The following KCNN1 variants were observed in gnomAD, a reference collection of about 807,000 sequenced individuals.
KCNN1 encodes the protein small conductance calcium-activated potassium channel protein 1.
A neutral mutation model predicts 44.7 loss-of-function variants in KCNN1; 20 were observed. That is an observed-to-expected ratio of 0.45 (90% CI 0.32 to 0.65). The LOEUF (loss-of-function observed/expected upper bound fraction) is 0.65, where lower values mean the gene tolerates loss of function less well. Among genes scored for constraint, KCNN1 ranks in the 30% least tolerant of loss-of-function variants. KCNN1 has a pLI of 0.05. For missense variants in KCNN1, 632 were observed against 785.3 expected, an observed-to-expected ratio of 0.80 and a Z score of 2.33; for synonymous variants, 324 against 341.7, an observed-to-expected ratio of 0.95 and a Z score of 0.57.
At chr19:17,963,867 C>T (rs537788892), upstream of KCNN1, among the ~76,000 whole-genome samples, 24 of 152,180 alleles carry the variant, frequency 1.6e-4, no homozygotes, top group South Asian at 1.7e-3. Context: ...GCTGGGACTA[C>T]GGGCACATGG....
At position 17,993,212 on chromosome 19, in the gene KCNN1, G is replaced by T; in HGVS notation, c.1307+150G>T. The T allele has an allele frequency of 9.9e-7, 1 of 1,010,694 alleles. No individual in the cohort carries two copies. The highest frequency in any genetic ancestry group is 1.5e-6 in the Non-Finnish European group (1 of 670,458). 62.6% of individuals were successfully genotyped at this position (1,010,694 alleles called of 1,614,324 possible). A position where few individuals can be genotyped will look rare whatever the true frequency, so the allele number is the denominator to read the frequency against. On this transcript the variant is annotated intron_variant, in intron 8 of 9. Coordinates refer to ENST00000684775, the MANE Select transcript of KCNN1 (RefSeq NM_001386974.1). This position sits in a 1 kb window ranked among gnomAD's most constrained non-coding sequence, Gnocchi z 4.5. ...CATGGATCCGTGCAGGCTTCACCTT[G>T]GTCTGGGATCCAACTTCCTGGGGCA...
intron 2 of KCNN1, among the ~76,000 whole-genome samples, chr19:17,957,094 GGAGGGAGGGAGGGACA>G (rs1161504570): frequency 6.7e-6 from 1 of 148,710 alleles, no homozygotes; most frequent in African/African-American, 2.5e-5. Context: ...ACAGAGAAAG[GGAGGGAGGGAGGGACA>G]GAGGGAGGGA....
chr19:17,964,463 C>T (rs530476677), upstream of KCNN1, among the ~76,000 whole-genome samples: 25 of 152,386 alleles, frequency 1.6e-4, no homozygotes, highest in African/African-American at 5.3e-4. This position sits in a 1 kb window ranked among gnomAD's most constrained non-coding sequence, Gnocchi z 4.3. Context: ...GCTCTCCAGC[C>T]GCCTCCACCA....
intron 2 of KCNN1, among the ~76,000 whole-genome samples, chr19:17,956,134 C>T (rs1479678371): frequency 6.6e-6 from 1 of 152,106 alleles, no homozygotes; most frequent in African/African-American, 2.4e-5. Context: ...GATGGGGTTT[C>T]CCCATGTTGG....
At position 17,993,425 on chromosome 19, in the gene KCNN1, C is replaced by A; in HGVS notation, c.1308-65C>A. 1 of 1,237,446 alleles carries A rather than the reference C, an allele frequency of 8.1e-7. No homozygotes were observed. The highest frequency in any genetic ancestry group is 1.2e-6 in the Non-Finnish European group (1 of 852,856). The allele number at this position is 1,237,446 out of a possible 1,614,324, so 76.7% of individuals were successfully genotyped here. ...ACCCCGGGTGGGTGCATGAAAGTCC[C>A]TGCCCCCACTGCAGCCTCCACGGGA... is the stretch of plus-strand genomic sequence containing the variant. On this transcript the variant is annotated intron_variant, in intron 8 of 9. Transcript: ENST00000684775. The surrounding 1 kb of genome is among the most constrained non-coding windows in gnomAD (Gnocchi z 4.5).
At chr19:17,966,991 T>C, upstream of KCNN1, 1 of 326,192 alleles carries the variant, frequency 3.1e-6, no homozygotes. Flanking sequence ...CCGGGGAATG[T>C]GGGATCTTTA....
chr19:17,993,658 G>A lies in KCNN1; in HGVS notation c.1377+99G>A, dbSNP rs545054756. The A allele has an allele frequency of 8.4e-6, 8 of 957,186 alleles. No individual in the cohort carries two copies. Among genetic ancestry groups the A allele is most frequent in the Non-Finnish European group, 1.2e-5 (7 of 594,198 alleles). The allele number at this position is 957,186 out of a possible 1,614,324, so 59.3% of individuals were successfully genotyped here. ...CTGCCGGAGGAGGGCACAAGGACCCGCTGTGGGCTGAGTGCAGTGGCGGGC... is the reference window on the plus strand; with the variant it reads ...CTGCCGGAGGAGGGCACAAGGACCCACTGTGGGCTGAGTGCAGTGGCGGGC... On this transcript the variant is annotated intron_variant, in intron 9 of 9. Transcript: ENST00000684775. This position sits in a 1 kb window ranked among gnomAD's most constrained non-coding sequence, Gnocchi z 4.5.
Position 17,993,540 on chromosome 19 carries a change from C to T in KCNN1, c.1358C>T (p.Thr453Met), listed in dbSNP as rs186659145. 3.2e-5 allele frequency: 51 copies of T among 1,613,890 alleles called. No homozygotes were observed. The highest frequency in any genetic ancestry group is 1.8e-4 in the Admixed American group (11 of 60,016). ...EQGKLNDQAN[T>M]LTDLAKTQTV... ...GGGAAGCTGAACGACCAGGCTAACA[C>T]GCTTACCGACCTAGCCAAGGTGAGT... is the stretch of plus-strand genomic sequence containing the variant. The change falls in exon 9 of 10, where the codon ACG becomes ATG. Residue 453 changes from threonine to methionine, a missense_variant. Coordinates refer to ENST00000684775, the MANE Select transcript of KCNN1 (RefSeq NM_001386974.1). This position sits in a 1 kb window ranked among gnomAD's most constrained non-coding sequence, Gnocchi z 4.5.
intron 9 of KCNN1, among the ~76,000 whole-genome samples, chr19:17,997,188 G>T (rs1419515105): frequency 1.3e-5 from 2 of 152,192 alleles, no homozygotes; most frequent in Non-Finnish European, 2.9e-5. Flanking sequence ...GATTGCGTCA[G>T]ATTCTCAGGG....
chr19:17,961,921 G>A (rs954231117), intron 2 of KCNN1, among the ~76,000 whole-genome samples: 1 of 143,666 alleles, frequency 7.0e-6, no homozygotes, highest in Non-Finnish European at 1.5e-5. Flanking sequence ...AAGGTCCAAG[G>A]TTCTGGGGAG....
At chr19:17,988,616 C>A in intron 6 of KCNN1, 91 bp downstream of exon 6, 1 of 952,642 alleles carries the variant, frequency 1.0e-6, no homozygotes, top group Non-Finnish European at 1.6e-6. Flanking sequence ...GCCGGGCATG[C>A]TCATGTGCCC....
upstream of KCNN1, among the ~76,000 whole-genome samples, chr19:17,962,788 A>G (rs2031711617): frequency 1.3e-5 from 2 of 150,950 alleles, no homozygotes; most frequent in South Asian, 4.2e-4. Flanking sequence ...GCTCACTGCA[A>G]CCTCTGCCTT....
At chr19:17,990,358 T>G (rs1412049149) in intron 7 of KCNN1, among the ~76,000 whole-genome samples, 1 of 151,588 alleles carries the variant, frequency 6.6e-6, no homozygotes, top group Non-Finnish European at 1.5e-5. Context: ...GTGGTGTGCC[T>G]CTGTGGTCCC....
At chr19:17,990,153 T>C (rs770897512) in intron 7 of KCNN1, 15 of 515,818 alleles carry the variant, frequency 2.9e-5, no homozygotes, top group Non-Finnish European at 4.9e-5. Context: ...AGGAGGCTCA[T>C]AGTTAAATCC....
At chr19:17,996,040 G>A (rs75187231) in intron 9 of KCNN1, among the ~76,000 whole-genome samples, 3 of 151,536 alleles carry the variant, frequency 2.0e-5, no homozygotes, top group Non-Finnish European at 2.9e-5. Context: ...AAAATATTAA[G>A]AAAATCAGGC....
rs1371189398 is a variant in KCNN1, at chr19:17,973,987, C to G, written c.99C>G (p.Pro33=). The stretch of plus-strand genomic sequence containing the variant: ...CTCCGGACCCTGAGGCCGGCCACCC[C>G]CCACAACCCCCGCACAGCCCGGGCC... The part of the protein sequence containing the change: ...RDPPDPEAGH[P]PQPPHSPGLQ... The change falls in exon 2 of 10, where the codon CCC becomes CCG. Residue 33 remains proline (P), a synonymous_variant. Transcript: ENST00000684775. 5.8e-5 allele frequency: 92 copies of G among 1,578,720 alleles called. No individual in the cohort carries two copies. Among genetic ancestry groups the G allele is most frequent in the Non-Finnish European group, 7.9e-5 (92 of 1,164,340 alleles).
At chr19:17,977,856 C>T (rs759048981) in intron 3 of KCNN1, among the ~76,000 whole-genome samples, 10 of 152,006 alleles carry the variant, frequency 6.6e-5, no homozygotes, top group African/African-American at 1.2e-4. Flanking sequence ...AGAAATACGA[C>T]GCTCAGCAGA....
intron 3 of KCNN1, among the ~76,000 whole-genome samples, chr19:17,980,228 A>ATTTTT (rs34810089): frequency 0.039 from 1,728 of 44,110 alleles, 143 homozygotes; most frequent in East Asian, 0.08. Flanking sequence ...CACCTAGCTA[A>ATTTTT]TTTTTTTTTT....
intron 7 of KCNN1, among the ~76,000 whole-genome samples, chr19:17,991,822 C>T (rs1017614971): frequency 6.6e-6 from 1 of 152,162 alleles, no homozygotes; most frequent in African/African-American, 2.4e-5. Flanking sequence ...CCGTTTCTGT[C>T]CCACTCTTCA....
Sources: allele counts gnomAD v4.1 joint callset (sites outside exome capture counted in the v4.1 genomes callset), GRCh38; gene constraint gnomAD v4.1.1; non-coding constraint Gnocchi (gnomAD v3.1); transcripts MANE v1.5; gene names NCBI Gene and HGNC (gene_info 2026-07-23, HGNC 2026-07-21).